The following GRAMD4 variants were observed in gnomAD, a reference collection of about 807,000 sequenced individuals.
The protein encoded by GRAMD4 is GRAM domain-containing protein 4.
In GRAMD4, 25 loss-of-function variants were observed where a neutral mutation model predicts 83.9. The observed-to-expected ratio is 0.30, with a 90% confidence interval of 0.22 to 0.42. The LOEUF (loss-of-function observed/expected upper bound fraction) is 0.42. GRAMD4 is among the 10% of genes least tolerant of loss of function. GRAMD4 has a pLI of 1.00. For missense variants in GRAMD4, 593 were observed against 788.7 expected (o/e 0.75, Z 2.97); for synonymous variants, 336 against 320.9 (o/e 1.05, Z -0.50).
intron 2 of GRAMD4, among the ~76,000 whole-genome samples, chr22:46,634,020 C>T (rs1039469662): frequency 1.3e-5 from 2 of 152,238 alleles, no homozygotes; most frequent in African/African-American, 4.8e-5. Flanking sequence ...CCTGTGCTCT[C>T]AGCAGACAGT....
At chr22:46,674,202 G>A (rs775323165) in intron 15 of GRAMD4, among the ~76,000 whole-genome samples, 4 of 152,228 alleles carry the variant, frequency 2.6e-5, no homozygotes, top group African/African-American at 9.6e-5. Context: ...GGATCCTGGG[G>A]ACAGGTCAGC....
chr22:46,617,440 G>T (rs2081518875), upstream of GRAMD4, among the ~76,000 whole-genome samples: 1 of 146,216 alleles, frequency 6.8e-6, no homozygotes, highest in Non-Finnish European at 1.5e-5. Context: ...CTGGGTGTAG[G>T]TTCCCCCCAT....
At chr22:46,586,641 G>C (rs2081152840) in intron 1 of GRAMD4, among the ~76,000 whole-genome samples, 1 of 152,234 alleles carries the variant, frequency 6.6e-6, no homozygotes, top group African/African-American at 2.4e-5. Flanking sequence ...ACTGCACCCA[G>C]AGCTCTGGTG....
chr22:46,638,042 A>G, intron 3 of GRAMD4, 82 bp downstream of exon 3: 1 of 1,485,452 alleles, frequency 6.7e-7, no homozygotes, highest in Non-Finnish European at 9.3e-7. Flanking sequence ...CTTGCCCAGG[A>G]GCTGGGTCTG....
intron 2 of GRAMD4, among the ~76,000 whole-genome samples, chr22:46,629,644 A>G (rs1236659661): frequency 6.6e-6 from 1 of 152,212 alleles, no homozygotes; most frequent in Admixed American, 6.5e-5. Flanking sequence ...ATAACAGCTT[A>G]ATCGAGATAT....
chr22:46,678,428 G>A lies in GRAMD4; in HGVS notation c.*1177G>A. 1.0e-6 allele frequency: 1 copy of A among 985,452 alleles called. No individual in the cohort carries two copies. The highest frequency in any genetic ancestry group is 1.2e-6 in the Non-Finnish European group (1 of 829,942). 61.0% of individuals were successfully genotyped at this position (985,452 alleles called of 1,614,324 possible). A position where few individuals can be genotyped will look rare whatever the true frequency, so the allele number is the denominator to read the frequency against. On this transcript the variant is annotated 3_prime_UTR_variant, in exon 19 of 19. Transcript: ENST00000406902. ...CCCCGCCCTGCCCCAGGGAAGCCTG[G>A]GCTTCCCGGGAACAAGGTGGCATTT... is the stretch of plus-strand genomic sequence containing the variant.
At position 46,603,513 on chromosome 22, in the gene GRAMD4, C is replaced by CTTTTTTTTTTTTTT. The variant is rs1569254347; in HGVS notation, c.-49-23237_-49-23236insTTTTTTTTTTTTTT. Among the ~76,000 whole-genome samples the CTTTTTTTTTTTTTT allele has an allele frequency of 9.4e-5, 10 of 106,014 alleles. 3 individuals carry two copies. Among genetic ancestry groups the CTTTTTTTTTTTTTT allele is most frequent in the African/African-American group, 1.8e-4 (5 of 27,528 alleles). 69.5% of individuals were successfully genotyped at this position (106,014 alleles called of 152,430 possible). ...CATGAGCCACCGCGCCCGGCCTCTT[C>CTTTTTTTTTTTTTT]TCTTTTTTTTTTTTTTTTTTTGAGA... On this transcript the variant is annotated intron_variant, in intron 1 of 1. Transcript: ENST00000431155.
intron 1 of GRAMD4, among the ~76,000 whole-genome samples, chr22:46,623,244 G>A (rs1273193795): frequency 2.0e-5 from 3 of 152,264 alleles, no homozygotes; most frequent in Admixed American, 1.3e-4. Flanking sequence ...GGTGTGTGAC[G>A]TGTTTCCCCC....
At chr22:46,579,190 G>A (rs1281814252) in intron 1 of GRAMD4, among the ~76,000 whole-genome samples, 1 of 152,206 alleles carries the variant, frequency 6.6e-6, no homozygotes, top group African/African-American at 2.4e-5. Flanking sequence ...GAGGGAGGTG[G>A]AGGACCCTTC....
intron 1 of GRAMD4, among the ~76,000 whole-genome samples, chr22:46,597,797 G>A (rs16995471): frequency 0.016 from 2,503 of 152,234 alleles, 67 homozygotes; most frequent in African/African-American, 0.058. Context: ...CCTCTGGCAT[G>A]GTTTTAATTA....
At chr22:46,645,687 C>T (rs2082063086) in intron 3 of GRAMD4, among the ~76,000 whole-genome samples, 1 of 152,166 alleles carries the variant, frequency 6.6e-6, no homozygotes, top group South Asian at 2.1e-4. Context: ...TACAAATGTT[C>T]CTGCAAGCAA....
At chr22:46,615,474 CTT>C (rs2081468973), upstream of GRAMD4, among the ~76,000 whole-genome samples, 2 of 131,956 alleles carry the variant, frequency 1.5e-5, no homozygotes, top group Non-Finnish European at 3.2e-5. Flanking sequence ...TAGGTTCCCC[CTT>C]GTGTAGGTTC....
intron 3 of GRAMD4, among the ~76,000 whole-genome samples, chr22:46,638,298 T>A (rs2081922372): frequency 6.6e-6 from 1 of 152,238 alleles, no homozygotes; most frequent in Admixed American, 6.5e-5. Flanking sequence ...ATTGTAATTA[T>A]TTTAGTGAAT....
At chr22:46,599,341 G>T (rs1039312790) in intron 1 of GRAMD4, among the ~76,000 whole-genome samples, 2 of 150,732 alleles carry the variant, frequency 1.3e-5, no homozygotes, top group Non-Finnish European at 3.0e-5. Flanking sequence ...TTTTTGAGAC[G>T]GAGTCTTGCT....
intron 6 of GRAMD4, among the ~76,000 whole-genome samples, chr22:46,663,513 A>T (rs967765867): frequency 2.0e-5 from 3 of 152,164 alleles, no homozygotes; most frequent in African/African-American, 7.2e-5. Flanking sequence ...GTGCTGCCAT[A>T]GGCCCTGGGG....
At chr22:46,636,196 T>C (rs1470458831) in intron 2 of GRAMD4, among the ~76,000 whole-genome samples, 6 of 152,136 alleles carry the variant, frequency 3.9e-5, no homozygotes, top group African/African-American at 1.4e-4. Context: ...TTGAGACTCT[T>C]TTGGAGCTTC....
At chr22:46,597,819 A>C (rs1014819807) in intron 1 of GRAMD4, among the ~76,000 whole-genome samples, 3 of 152,202 alleles carry the variant, frequency 2.0e-5, no homozygotes, top group African/African-American at 7.2e-5. Context: ...GACAAAAACA[A>C]GTACAGTTTG....
intron 1 of GRAMD4, among the ~76,000 whole-genome samples, chr22:46,577,450 C>T (rs181995407): frequency 0.17 from 25,133 of 146,182 alleles, 2,682 homozygotes; most frequent in Middle Eastern, 0.32. Flanking sequence ...GAGCAGGGCC[C>T]TGCGCGGGCG....
rs567952184 is a variant in GRAMD4, at chr22:46,613,624, C to T, written c.-49-13127C>T. Among the ~76,000 whole-genome samples, 4 of 152,302 alleles carry T rather than the reference C, an allele frequency of 2.6e-5. No homozygotes were observed. The East Asian group carries it at 7.7e-4, about 29-fold the overall frequency. On this transcript the variant is annotated intron_variant, in intron 1 of 1. Coordinates refer to the GRAMD4 transcript ENST00000431155. ...GAAGGCCGTCTCGGACAGAGGGCAT[C>T]GCTTGGGCAGCATCCTGGAGGCCAG...
Sources: allele counts gnomAD v4.1 joint callset (sites outside exome capture counted in the v4.1 genomes callset), GRCh38; gene constraint gnomAD v4.1.1; transcripts MANE v1.5; gene names NCBI Gene and HGNC (gene_info 2026-07-23, HGNC 2026-07-21).